Variants in ANAPC7 observed in about 807,000 individuals in gnomAD.
ANAPC7 encodes the protein anaphase-promoting complex subunit 7.
A neutral mutation model predicts 63.3 loss-of-function variants in ANAPC7; 25 were observed. The observed-to-expected ratio is 0.39, with a 90% CI of 0.29 to 0.55. The LOEUF (loss-of-function observed/expected upper bound fraction) is 0.55, where lower values mean the gene tolerates loss of function less well. Ranked by LOEUF, ANAPC7 falls within the 20% of genes least tolerant of loss-of-function variation. The probability of loss-of-function intolerance (pLI) is 0.57; values close to 1 mark genes in which losing one functional copy is unlikely to be tolerated. For missense variants in ANAPC7, 516 were observed against 691.7 expected, an observed-to-expected ratio of 0.75 and a Z score of 2.85; for synonymous variants, 241 against 251.7, an observed-to-expected ratio of 0.96 and a Z score of 0.40.
Position 110,381,952 on chromosome 12 carries a change from G to C in ANAPC7, c.936-4C>G. On this transcript the variant is annotated splice_polypyrimidine_tract_variant and splice_region_variant and intron_variant, in intron 7 of 10. Coordinates refer to ENST00000455511, the MANE Select transcript of ANAPC7 (RefSeq NM_016238.3). ...TTTGCTATAGAAGCTGTGACAGCTG[G>C]AGAAAAAAAAAAAAAAAAAAACACA... The C allele has an allele frequency of 1.8e-6, 1 of 553,010 alleles. No homozygotes were observed. Among genetic ancestry groups the C allele is most frequent in the Non-Finnish European group, 2.3e-6 (1 of 427,910 alleles). The allele number at this position is 553,010 out of a possible 1,614,324, so 34.3% of individuals were successfully genotyped here.
At chr12:110,383,900 A>G (rs1882196047) in intron 6 of ANAPC7, among the ~76,000 whole-genome samples, 1 of 123,166 alleles carries the variant, frequency 8.1e-6, no homozygotes, top group African/African-American at 3.5e-5. Flanking sequence ...AAAAAAAAAG[A>G]AAAAAAAAAG....
rs35699984 is a variant in ANAPC7, at chr12:110,381,954, G to GAAAAAAAAA, written c.936-15_936-7dup. ...TGCTATAGAAGCTGTGACAGCTGGA[G>GAAAAAAAAA]AAAAAAAAAAAAAAAAAAACACAAA... On this transcript the variant is annotated splice_polypyrimidine_tract_variant and splice_region_variant and intron_variant, in intron 7 of 10. Transcript: ENST00000455511. The GAAAAAAAAA allele has an allele frequency of 5.2e-4, 508 of 976,740 alleles. No individual in the cohort carries two copies. Among genetic ancestry groups the GAAAAAAAAA allele is most frequent in the South Asian group, 2.9e-3 (145 of 49,228 alleles). The allele number at this position is 976,740 out of a possible 1,614,324, so 60.5% of individuals were successfully genotyped here.
At chr12:110,382,675 T>C (rs1433052168) in intron 7 of ANAPC7, among the ~76,000 whole-genome samples, 168 bp downstream of exon 7, 1 of 151,430 alleles carries the variant, frequency 6.6e-6, no homozygotes, top group African/African-American at 2.4e-5. Context: ...GTTCAAGCAA[T>C]CCACCTGTCT....
At chr12:110,401,431 G>A (rs2062226767) in intron 1 of ANAPC7, among the ~76,000 whole-genome samples, 1 of 152,146 alleles carries the variant, frequency 6.6e-6, no homozygotes, top group Non-Finnish European at 1.5e-5. Context: ...TGATGCGAAG[G>A]GTAGAAAAGT....
At position 110,388,586 on chromosome 12, in the gene ANAPC7, C is replaced by A. The variant is rs1882818474; in HGVS notation, c.446G>T (p.Gly149Val). 1 of 1,614,182 alleles carries A rather than the reference C, an allele frequency of 6.2e-7. No homozygotes were observed. Among genetic ancestry groups the A allele is most frequent in the African/African-American group, 1.3e-5 (1 of 75,030 alleles). Residue 149 changes from glycine (G) to valine (V), a missense_variant, in exon 4 of 11, where the codon GGT (glycine) becomes GTT (valine). Gly to Val is a moderately radical substitution (Grantham distance 109). Transcript: ENST00000455511. The stretch of plus-strand genomic sequence containing the variant: ...GCTGGTGACTGAAGGGCGCTCCTGA[C>A]CAGCCTTCTTGTACAGGTTTGCCAG... ...MMLANLYKKA[G>V]QERPSVTSYK... is the part of the protein sequence containing the mutation.
At chr12:110,393,241 C>T (rs1271439006) in intron 3 of ANAPC7, among the ~76,000 whole-genome samples, 1 of 152,168 alleles carries the variant, frequency 6.6e-6, no homozygotes, top group African/African-American at 2.4e-5. Context: ...AAACCACCCC[C>T]ATTACCAAAT....
At chr12:110,393,634 G>A (rs1256238124) in intron 3 of ANAPC7, among the ~76,000 whole-genome samples, 3 of 152,156 alleles carry the variant, frequency 2.0e-5, no homozygotes, top group African/African-American at 7.2e-5. Flanking sequence ...CTGTGAGGCC[G>A]AGGTGGGTGG....
At chr12:110,376,322 C>T (rs904248035) in intron 9 of ANAPC7, 106 bp from the exon 10 acceptor site, 7 of 1,324,278 alleles carry the variant, frequency 5.3e-6, no homozygotes, top group Non-Finnish European at 7.3e-6. Flanking sequence ...TGGTGCAACA[C>T]AAAGCGAGGG....
chr12:110,383,806 G>C (rs1429994176), intron 6 of ANAPC7, among the ~76,000 whole-genome samples: 1 of 148,814 alleles, frequency 6.7e-6, no homozygotes, highest in Non-Finnish European at 1.5e-5. Flanking sequence ...AATCAGGGAG[G>C]CGGAGGTTGC....
At chr12:110,403,150 C>T (rs1054273635) in intron 1 of ANAPC7, among the ~76,000 whole-genome samples, 2 of 152,178 alleles carry the variant, frequency 1.3e-5, no homozygotes, top group Admixed American at 1.3e-4. Context: ...GAGGCTGGGT[C>T]CCTGAGCTGC....
At chr12:110,387,649 T>C (rs1045914067) in intron 5 of ANAPC7, 90 bp downstream of exon 5, 34 of 1,451,480 alleles carry the variant, frequency 2.3e-5, no homozygotes, top group Non-Finnish European at 3.2e-5. Flanking sequence ...CAGCAAAGCA[T>C]CTCATTTTTC....
In ANAPC7 at chr12:110,403,520, A is replaced by C. The variant is rs1249592492; in HGVS notation, c.101+7T>G. The C allele has an allele frequency of 1.9e-6, 3 of 1,591,652 alleles. No individual in the cohort carries two copies. In the East Asian group the frequency reaches 6.8e-5, roughly 36 times the overall value. On this transcript the variant is annotated splice_region_variant and intron_variant, in intron 1 of 10. Transcript: ENST00000455511. ...TCAGCCCCAGGCAGCTACCCGCCTCAACTCACGGGTTGTTATTACTCATTG... is the reference window on the plus strand; with the variant it reads ...TCAGCCCCAGGCAGCTACCCGCCTCCACTCACGGGTTGTTATTACTCATTG...
At chr12:110,377,321 CA>C in intron 9 of ANAPC7, 71 bp downstream of exon 9, 1 of 1,333,494 alleles carries the variant, frequency 7.5e-7, no homozygotes, top group Non-Finnish European at 1.1e-6. Flanking sequence ...CTAGCTGGGA[CA>C]AGGGGCTCCA....
chr12:110,378,317 C>T (rs1173213063), intron 8 of ANAPC7, among the ~76,000 whole-genome samples: 2 of 152,234 alleles, frequency 1.3e-5, no homozygotes, highest in Non-Finnish European at 2.9e-5. Flanking sequence ...TGCTCTCGAA[C>T]TCCTGACCTC....
chr12:110,392,601 A>G (rs117945406), intron 3 of ANAPC7, among the ~76,000 whole-genome samples: 1 of 152,222 alleles, frequency 6.6e-6, no homozygotes, highest in African/African-American at 2.4e-5. Flanking sequence ...GTATTATTAG[A>G]ATATTAAATA....
intron 8 of ANAPC7, 195 bp from the exon 9 acceptor site, chr12:110,377,812 T>A: frequency 7.0e-7 from 1 of 1,430,276 alleles, no homozygotes; most frequent in East Asian, 2.5e-5. Flanking sequence ...GAGAACTTGA[T>A]GGATGTAGAA....
intron 9 of ANAPC7, among the ~76,000 whole-genome samples, chr12:110,376,707 G>GAA (rs574188729): frequency 3.3e-5 from 4 of 121,938 alleles, no homozygotes; most frequent in African/African-American, 9.1e-5. Context: ...AATCAGGACT[G>GAA]AAAAAAAAAA....
chr12:110,395,597 C>CTT (rs76468288), intron 2 of ANAPC7, among the ~76,000 whole-genome samples: 2 of 144,288 alleles, frequency 1.4e-5, no homozygotes, highest in East Asian at 2.0e-4. Flanking sequence ...GCCTCATCTT[C>CTT]TTTTTTTTTT....
chr12:110,395,003 A>G (rs963237113), intron 3 of ANAPC7, 98 bp downstream of exon 3: 8 of 1,388,094 alleles, frequency 5.8e-6, no homozygotes, highest in Non-Finnish European at 6.8e-6. Flanking sequence ...AATCATGGGT[A>G]AAATGTTCAC....
Sources: gnomAD v4.1 joint callset for allele counts (sites outside exome capture counted in the v4.1 genomes callset) on GRCh38, gnomAD v4.1.1 for gene constraint, MANE v1.5 for transcripts, NCBI Gene and HGNC (gene_info 2026-07-23, HGNC 2026-07-21) for gene names.